The following SLC3A2 variants were observed in gnomAD, a reference collection of about 807,000 sequenced individuals.
SLC3A2 encodes amino acid transporter heavy chain SLC3A2.
In SLC3A2, 32 loss-of-function variants were observed where a neutral mutation model predicts 48.5. The ratio of observed to expected loss-of-function variants is 0.66; its 90% CI spans 0.50 to 0.89. The LOEUF is 0.89. SLC3A2 is among the 40% of genes least tolerant of loss of function. The pLI is 0.00. For missense variants in SLC3A2, 587 were observed against 680.7 expected (o/e 0.86, Z 1.53); for synonymous variants, 277 against 288.8 (o/e 0.96, Z 0.41).
At chr11:62,861,617 G>A (rs887528181) in intron 1 of SLC3A2, among the ~76,000 whole-genome samples, 2 of 151,954 alleles carry the variant, frequency 1.3e-5, no homozygotes, top group Admixed American at 6.6e-5. Context: ...TGATCTTTAC[G>A]AATAAAAACT....
intron 1 of SLC3A2, among the ~76,000 whole-genome samples, chr11:62,871,008 C>T (rs1212638931): frequency 6.6e-6 from 1 of 150,600 alleles, no homozygotes; most frequent in African/African-American, 2.4e-5. Flanking sequence ...CCTCAGCTTC[C>T]TGAGTAGCTG....
At position 62,881,828 on chromosome 11, in the gene SLC3A2, G is replaced by C; in HGVS notation, c.425-65G>C. ...GTCCCACCCTTAGGCGCTGGGAGAA[G>C]GGAGGGTGGGGAGGTCAGGGGCCTC... On this transcript the variant is annotated intron_variant, in intron 1 of 8. Transcript: ENST00000338663. The surrounding 1 kb of genome is among the most constrained non-coding windows in gnomAD (Gnocchi z 4.0). 1 of 1,564,406 alleles carries C rather than the reference G, an allele frequency of 6.4e-7. No homozygotes were observed. The highest frequency in any genetic ancestry group is 1.1e-5 in the South Asian group (1 of 87,568).
chr11:62,881,467 G>A lies in SLC3A2; in HGVS notation c.424+20G>A, dbSNP rs1467498522. ...TGGCGGGTGAGTGCAGCGCGCCCCC[G>A]TCCCGGGTACCTCCGGTTGAATCTG... On this transcript the variant is annotated intron_variant, in intron 1 of 8. Transcript: ENST00000338663. The surrounding 1 kb of genome is among the most constrained non-coding windows in gnomAD (Gnocchi z 4.0). The A allele has an allele frequency of 6.4e-7, 1 of 1,555,548 alleles. No homozygotes were observed. The highest frequency in any genetic ancestry group is 1.2e-5 in the South Asian group (1 of 84,954).
intron 2 of SLC3A2, chr11:62,882,273 TTTAACTTCTGGGCTTCAGTGCCC>T (rs1190924752): frequency 6.8e-6 from 4 of 592,490 alleles, no homozygotes; most frequent in Non-Finnish European, 1.2e-5. Context: ...GAGCAGGTCA[TTTAACTTCTGGGCTTCAGTGCCC>T]TTATTTGCAA....
upstream of SLC3A2, chr11:62,880,847 G>A: frequency 1.5e-6 from 2 of 1,356,466 alleles, no homozygotes; most frequent in Non-Finnish European, 1.9e-6. Context: ...GGGGCGGGCC[G>A]GGGCGGGGCT....
chr11:62,883,342 C>T, intron 3 of SLC3A2: 2 of 284,266 alleles, frequency 7.0e-6, no homozygotes, highest in South Asian at 4.5e-5. Context: ...TTTCCCAGTT[C>T]TTGTTTGATG....
chr11:62,880,753 C>T (rs2135006333), upstream of SLC3A2: 2 of 496,898 alleles, frequency 4.0e-6, no homozygotes, highest in Middle Eastern at 5.4e-4. Context: ...TTGGACCATG[C>T]AGGAAGTACT....
At chr11:62,871,718 T>G in intron 1 of SLC3A2, 1 of 537,776 alleles carries the variant, frequency 1.9e-6, no homozygotes. Context: ...GTAGAATTTG[T>G]CTTTAAAAAT....
chr11:62,886,546 G>T (rs2085717000), intron 7 of SLC3A2: 1 of 152,036 alleles, frequency 6.6e-6, no homozygotes, highest in South Asian at 2.1e-4. Context: ...CTCCTGAGTA[G>T]CTGGGATATG....
At chr11:62,886,826 T>C (rs755693574) in intron 7 of SLC3A2, among the ~76,000 whole-genome samples, 22 of 152,166 alleles carry the variant, frequency 1.4e-4, no homozygotes, top group Non-Finnish European at 1.3e-4. Flanking sequence ...CTCCAACTCC[T>C]GGGCTCAATC....
In SLC3A2 at chr11:62,881,851, C is replaced by G. The variant is rs748115145; in HGVS notation, c.425-42C>G. The stretch of plus-strand genomic sequence containing the variant: ...AAGGGAGGGTGGGGAGGTCAGGGGC[C>G]TCTCAGAGGGGCCTCACTTGTTAAC... On this transcript the variant is annotated intron_variant, in intron 1 of 8. Transcript: ENST00000338663. This position sits in a 1 kb window ranked among gnomAD's most constrained non-coding sequence, Gnocchi z 4.0. 6.2e-7 allele frequency: 1 copy of G among 1,600,784 alleles called. No homozygotes were observed. The highest frequency in any genetic ancestry group is 8.5e-7 in the Non-Finnish European group (1 of 1,170,944).
chr11:62,861,417 C>T (rs1157784909), intron 1 of SLC3A2, among the ~76,000 whole-genome samples: 3 of 152,298 alleles, frequency 2.0e-5, no homozygotes, highest in South Asian at 2.1e-4. Flanking sequence ...GGCCACCGTG[C>T]CCAGCTAATC....
rs1444656184 is a variant in SLC3A2 at position 62,888,572 on chromosome 11, C to T, written c.1469C>T (p.Ala490Val). ...SDLPASASLP[A>V]KADLLLSTQP... ...CTGCCTGCCAGCGCCAGCCTGCCAGCCAAGGCTGACCTCCTGCTCAGCACC... is the reference window on the plus strand; with the variant it reads ...CTGCCTGCCAGCGCCAGCCTGCCAGTCAAGGCTGACCTCCTGCTCAGCACC... Residue 490 changes from alanine (A) to valine (V), a missense_variant, in exon 9 of 9, where the codon GCC (alanine) becomes GTC (valine). By Grantham distance (64) the Ala-to-Val change is moderately conservative. Around this residue, in one of 3 missense-constraint regions of SLC3A2, gnomAD observed 169 missense variants for 204.4 expected, o/e 0.83. Transcript: ENST00000338663. 1 of 1,613,926 alleles carries T rather than the reference C, an allele frequency of 6.2e-7. No homozygotes were observed. Among genetic ancestry groups the T allele is most frequent in the Non-Finnish European group, 8.5e-7 (1 of 1,180,028 alleles).
upstream of SLC3A2, among the ~76,000 whole-genome samples, chr11:62,879,399 C>T (rs560100456): frequency 2.6e-5 from 4 of 152,232 alleles, no homozygotes; most frequent in Admixed American, 6.5e-5. Flanking sequence ...AGTCACACTG[C>T]GCCCAGCCTT....
At chr11:62,869,838 A>G (rs1297855648) in intron 1 of SLC3A2, among the ~76,000 whole-genome samples, 1 of 148,508 alleles carries the variant, frequency 6.7e-6, no homozygotes, top group African/African-American at 2.5e-5. Flanking sequence ...GTTGGAGTGC[A>G]GTGGCGCGAT....
At chr11:62,878,211 T>G (rs1383961552), upstream of SLC3A2, among the ~76,000 whole-genome samples, 1 of 151,794 alleles carries the variant, frequency 6.6e-6, no homozygotes, top group African/African-American at 2.4e-5. Context: ...TTTGGAGCCA[T>G]GAGGATCTGT....
chr11:62,861,851 C>T (rs998113344), intron 1 of SLC3A2, among the ~76,000 whole-genome samples: 7 of 140,640 alleles, frequency 5.0e-5, no homozygotes, highest in East Asian at 4.5e-4. Flanking sequence ...GCGGAGGATG[C>T]GGTGAGCTGA....
At chr11:62,886,543 G>A (rs1000682595) in intron 7 of SLC3A2, 12 of 152,016 alleles carry the variant, frequency 7.9e-5, no homozygotes, top group South Asian at 2.1e-4. Context: ...AGCCTCCTGA[G>A]TAGCTGGGAT....
chr11:62,876,693 A>C (rs192948215), upstream of SLC3A2: 648 of 161,528 alleles, frequency 4.0e-3, 6 homozygotes, highest in South Asian at 7.0e-3. Flanking sequence ...TCCCTGCCTC[A>C]TGGGTTCAAG....
Sources: gnomAD v4.1 joint callset for allele counts (sites outside exome capture counted in the v4.1 genomes callset) on GRCh38, gnomAD v4.1.1 for gene constraint, gnomAD v4.1.1 regional missense constraint, Gnocchi (gnomAD v3.1) non-coding constraint, MANE v1.5 for transcripts, NCBI Gene and HGNC (gene_info 2026-07-23, HGNC 2026-07-21) for gene names.